The following GALNT13 variants were observed in gnomAD, a reference collection of about 807,000 sequenced individuals.
GALNT13 encodes polypeptide N-acetylgalactosaminyltransferase 13, also known as UDP-GalNAc:polypeptide N-acetylgalactosaminyltransferase 13.
A neutral mutation model predicts 64.2 loss-of-function variants in GALNT13; 28 were observed. The observed-to-expected ratio is 0.44, with a 90% CI of 0.32 to 0.60. GALNT13 has a LOEUF of 0.60. GALNT13 is among the 20% of genes least tolerant of loss of function. GALNT13 has a pLI of 0.05. For missense variants in GALNT13, 577 were observed against 669.8 expected, an observed-to-expected ratio of 0.86 and a Z score of 1.53; for synonymous variants, 214 against 224.6, an observed-to-expected ratio of 0.95 and a Z score of 0.42.
chr2:153,351,755 A>C, the GALNT13 span, among the ~76,000 whole-genome samples: 2 of 152,192 alleles, frequency 1.3e-5, no homozygotes, highest in African/African-American at 4.8e-5. Context: ...AGTAATATAC[A>C]TTTAAGTTTC....
chr2:153,986,029 A>G (rs1243634942), intron 3 of GALNT13, among the ~76,000 whole-genome samples: 1 of 152,066 alleles, frequency 6.6e-6, no homozygotes, highest in East Asian at 1.9e-4. Context: ...AAGAAGTATG[A>G]AATTGCTAGA....
At chr2:154,252,357 A>AT (rs1205309831) in intron 7 of GALNT13, among the ~76,000 whole-genome samples, 50 of 136,362 alleles carry the variant, frequency 3.7e-4, no homozygotes, top group East Asian at 8.5e-4. Flanking sequence ...TTTTATTATT[A>AT]TTATTTTTTT....
At chr2:154,282,363 A>G (rs7585156) in intron 8 of GALNT13, among the ~76,000 whole-genome samples, 84,033 of 151,974 alleles carry the variant, frequency 0.55, 23,889 homozygotes, top group East Asian at 0.81. Flanking sequence ...TTTTTATTAT[A>G]TTCTTTTAAT....
the GALNT13 span, chr2:153,208,294 C>G: frequency 2.0e-5 from 3 of 152,060 alleles, no homozygotes; most frequent in Non-Finnish European, 4.4e-5. Flanking sequence ...CCTTTACAAC[C>G]AATAACTTGT....
At chr2:154,037,788 T>C (rs1277582042) in intron 3 of GALNT13, among the ~76,000 whole-genome samples, 1 of 152,138 alleles carries the variant, frequency 6.6e-6, no homozygotes, top group Non-Finnish European at 1.5e-5. Context: ...ATACCTAAGA[T>C]TACATTTTAC....
At chr2:154,345,104 T>C (rs1388775496) in intron 9 of GALNT13, among the ~76,000 whole-genome samples, 2 of 152,000 alleles carry the variant, frequency 1.3e-5, no homozygotes, top group South Asian at 2.1e-4. Flanking sequence ...TAGGAGCAGC[T>C]TTTGTATATC....
At chr2:154,341,257 T>C (rs753750105) in intron 9 of GALNT13, among the ~76,000 whole-genome samples, 72 of 152,100 alleles carry the variant, frequency 4.7e-4, no homozygotes, top group Non-Finnish European at 8.7e-4. Context: ...ATTCCTACTA[T>C]GCCACTTTGC....
At chr2:154,309,150 A>C (rs1234319830) in intron 9 of GALNT13, among the ~76,000 whole-genome samples, 2 of 152,224 alleles carry the variant, frequency 1.3e-5, no homozygotes, top group Admixed American at 1.3e-4. Flanking sequence ...AATGAAAAAT[A>C]AGATTAAATG....
chr2:153,906,494 T>C (rs1688575620), intron 2 of GALNT13, among the ~76,000 whole-genome samples: 1 of 151,000 alleles, frequency 6.6e-6, no homozygotes, highest in Non-Finnish European at 1.5e-5. Flanking sequence ...GAACATGCAG[T>C]GTTTGGTTTT....
intron 3 of GALNT13, among the ~76,000 whole-genome samples, chr2:154,137,744 C>T (rs770879384): frequency 1.3e-5 from 2 of 152,064 alleles, no homozygotes; most frequent in Non-Finnish European, 2.9e-5. Context: ...GCTTCCTAGT[C>T]TTGGAAGCAT....
the GALNT13 span, among the ~76,000 whole-genome samples, chr2:153,760,927 T>A: frequency 6.6e-6 from 1 of 152,202 alleles, no homozygotes. Context: ...GTGTATTATG[T>A]ATTTACACTT....
At chr2:153,103,769 A>T in the GALNT13 span, among the ~76,000 whole-genome samples, 3 of 152,224 alleles carry the variant, frequency 2.0e-5, no homozygotes, top group African/African-American at 7.2e-5. Flanking sequence ...TGCCTTATTC[A>T]TGACTGCATC....
intron 3 of GALNT13, among the ~76,000 whole-genome samples, chr2:154,099,735 C>CT (rs1702253641): frequency 1.3e-5 from 2 of 152,056 alleles, no homozygotes; most frequent in Non-Finnish European, 2.9e-5. Context: ...CCCAAAAGTT[C>CT]AAGACCAGCT....
intron 9 of GALNT13, among the ~76,000 whole-genome samples, chr2:154,309,552 G>A (rs1358695053): frequency 6.6e-6 from 1 of 152,148 alleles, no homozygotes; most frequent in African/African-American, 2.4e-5. Flanking sequence ...TATGTGCAAG[G>A]AGACCAAACA....
chr2:153,968,227 G>A (rs1693504351), intron 3 of GALNT13, among the ~76,000 whole-genome samples: 1 of 152,174 alleles, frequency 6.6e-6, no homozygotes, highest in Non-Finnish European at 1.5e-5. Flanking sequence ...ATCAGTCACT[G>A]GTAGAGCTGA....
At chr2:153,960,345 A>T (rs571310799) in intron 3 of GALNT13, among the ~76,000 whole-genome samples, 6 of 152,186 alleles carry the variant, frequency 3.9e-5, no homozygotes, top group Non-Finnish European at 8.8e-5. Context: ...AGTTGAGCTT[A>T]ATCCATGAGG....
At chr2:154,172,147 A>C (rs547454182) in intron 4 of GALNT13, among the ~76,000 whole-genome samples, 3 of 152,116 alleles carry the variant, frequency 2.0e-5, no homozygotes, top group South Asian at 2.1e-4. Context: ...ATGTCTAATA[A>C]AAATATTATT....
At chr2:153,842,283 G>T in the GALNT13 span, among the ~76,000 whole-genome samples, 1 of 152,102 alleles carries the variant, frequency 6.6e-6, no homozygotes, top group Non-Finnish European at 1.5e-5. Context: ...GTCACTCAGA[G>T]TTGAGAGGCT....
chr2:154,405,741 G>A (rs1011898344), intron 10 of GALNT13, among the ~76,000 whole-genome samples: 3 of 151,790 alleles, frequency 2.0e-5, no homozygotes, highest in Non-Finnish European at 2.9e-5. Context: ...CTATAATTCC[G>A]GGAAACTTTT....
Sources: allele counts gnomAD v4.1 joint callset (sites outside exome capture counted in the v4.1 genomes callset), GRCh38; gene constraint gnomAD v4.1.1; transcripts MANE v1.5; gene names NCBI Gene and HGNC (gene_info 2026-07-23, HGNC 2026-07-21).